The following FILIP1 variants were observed in gnomAD, a reference collection of about 807,000 sequenced individuals.
FILIP1 encodes filamin A interacting protein 1, also known as filamin-A-interacting protein 1.
A neutral mutation model predicts 102.1 loss-of-function variants in FILIP1; 61 were observed. That is an observed-to-expected ratio of 0.60 (90% CI 0.49 to 0.74). FILIP1 has a LOEUF of 0.74. Among genes scored for constraint, FILIP1 ranks in the 30% least tolerant of loss-of-function variants. FILIP1 has a pLI of 0.00. For missense variants in FILIP1, 1,314 were observed against 1,441.2 expected (o/e 0.91, Z 1.43); for synonymous variants, 491 against 526.9 (o/e 0.93, Z 0.93).
intron 1 of FILIP1, among the ~76,000 whole-genome samples, chr6:75,487,321 A>G (rs535024513): frequency 1.1e-4 from 16 of 152,156 alleles, no homozygotes; most frequent in Non-Finnish European, 2.2e-4. Context: ...TTGTCGTCAC[A>G]GTAACTACAG....
chr6:75,304,933 C>T (rs117998533), downstream of FILIP1, among the ~76,000 whole-genome samples: 815 of 152,222 alleles, frequency 5.4e-3, 4 homozygotes, highest in Non-Finnish European at 9.3e-3. Context: ...AAGTGTGAGA[C>T]TGGAGGCAGG....
chr6:75,326,875 G>GC (rs1370220508), intron 4 of FILIP1, among the ~76,000 whole-genome samples: 1 of 152,154 alleles, frequency 6.6e-6, no homozygotes. Flanking sequence ...TTGTCAAGAT[G>GC]CCCCTTGGAC....
At chr6:75,448,553 G>A (rs1371049252) in intron 1 of FILIP1, among the ~76,000 whole-genome samples, 1 of 148,092 alleles carries the variant, frequency 6.8e-6, no homozygotes, top group Non-Finnish European at 1.5e-5. Flanking sequence ...ATAATGAGCA[G>A]AGTAAATACA....
At chr6:75,347,927 C>T (rs745453171) in intron 4 of FILIP1, among the ~76,000 whole-genome samples, 2 of 152,140 alleles carry the variant, frequency 1.3e-5, no homozygotes, top group African/African-American at 2.4e-5. Flanking sequence ...ACTTAACTTA[C>T]ACTTGGAGGG....
At chr6:75,452,842 G>A (rs1290687548) in intron 1 of FILIP1, among the ~76,000 whole-genome samples, 1 of 152,132 alleles carries the variant, frequency 6.6e-6, no homozygotes, top group African/African-American at 2.4e-5. Flanking sequence ...TAGTGACAAT[G>A]TACTCCTTTT....
At chr6:75,390,605 A>T (rs1414235829) in intron 2 of FILIP1, among the ~76,000 whole-genome samples, 2 of 152,070 alleles carry the variant, frequency 1.3e-5, no homozygotes, top group Non-Finnish European at 2.9e-5. Context: ...TCTCACAAGA[A>T]CTCACTATCA....
rs1192172465 is a variant in FILIP1, at chr6:75,414,875, G to A, written c.98C>T (p.Ser33Leu). 1.2e-6 allele frequency: 2 copies of A among 1,613,728 alleles called. No individual in the cohort carries two copies. The highest frequency in any genetic ancestry group is 2.7e-5 in the African/African-American group (2 of 74,870). ...IIGNAGEKSL[S>L]EDAKKKKKSN... is the part of the protein sequence containing the mutation. ...TTTCTTCTTCTTTTTTGCATCTTCT[G>A]AGAGACTTTTTTCACCAGCATTGCC... The change falls in exon 2 of 6, where the codon TCA becomes TTA. Residue 33 changes from serine to leucine, a missense_variant. Ser to Leu is a moderately radical substitution (Grantham distance 145, BLOSUM62 -2). Around this residue, in one of 3 missense-constraint regions of FILIP1, gnomAD observed 494 missense variants for 511.2 expected, o/e 0.97. Transcript: ENST00000237172.
chr6:75,324,855 C>T (rs1285222799), intron 4 of FILIP1, among the ~76,000 whole-genome samples: 1 of 152,128 alleles, frequency 6.6e-6, no homozygotes, highest in African/African-American at 2.4e-5. Context: ...CCCTGTTCAA[C>T]AGACGGTGCT....
chr6:75,492,048 T>C (rs1779974896), intron 1 of FILIP1, among the ~76,000 whole-genome samples: 1 of 152,206 alleles, frequency 6.6e-6, no homozygotes, highest in Non-Finnish European at 1.5e-5. Context: ...ATATTTCATC[T>C]CTACTAAAGC....
intron 4 of FILIP1, among the ~76,000 whole-genome samples, chr6:75,320,330 G>A (rs1227202191): frequency 1.3e-5 from 2 of 152,212 alleles, no homozygotes; most frequent in Non-Finnish European, 2.9e-5. Flanking sequence ...GCCGAGGCAG[G>A]CAAATCGCTT....
intron 1 of FILIP1, among the ~76,000 whole-genome samples, chr6:75,466,658 G>A (rs1226516452): frequency 6.6e-6 from 1 of 152,196 alleles, no homozygotes; most frequent in African/African-American, 2.4e-5. Context: ...CTATTGGTAT[G>A]TAGAGGACCT....
intron 4 of FILIP1, chr6:75,319,209 CT>C (rs749173265): frequency 3.0e-5 from 23 of 758,528 alleles, no homozygotes; most frequent in Middle Eastern, 7.9e-4. Context: ...CTTGTTTTTC[CT>C]TCAGCTTCGC....
chr6:75,370,756 T>C (rs1350866898), intron 2 of FILIP1, among the ~76,000 whole-genome samples: 2 of 151,900 alleles, frequency 1.3e-5, no homozygotes, highest in African/African-American at 4.8e-5. Flanking sequence ...TTTGTATTTT[T>C]AGTAGAGACA....
At chr6:75,485,086 T>A (rs1016530676) in intron 1 of FILIP1, among the ~76,000 whole-genome samples, 1 of 152,182 alleles carries the variant, frequency 6.6e-6, no homozygotes, top group African/African-American at 2.4e-5. Context: ...ACAGTTCTTT[T>A]TCTCCTTTGA....
chr6:75,487,916 T>A (rs1304090446), intron 1 of FILIP1, among the ~76,000 whole-genome samples: 1 of 152,034 alleles, frequency 6.6e-6, no homozygotes, highest in Non-Finnish European at 1.5e-5. Flanking sequence ...TCCTCAATGT[T>A]TTGGTAAAGG....
intron 1 of FILIP1, among the ~76,000 whole-genome samples, chr6:75,465,916 T>C (rs1465750494): frequency 1.3e-5 from 2 of 152,170 alleles, no homozygotes; most frequent in Non-Finnish European, 2.9e-5. Context: ...CTCTCAGACC[T>C]CTTTTGCAAC....
chr6:75,401,891 T>A (rs987111714), intron 2 of FILIP1, among the ~76,000 whole-genome samples: 1 of 152,140 alleles, frequency 6.6e-6, no homozygotes, highest in Non-Finnish European at 1.5e-5. Context: ...TATCCCCAAA[T>A]AATTGGGAAA....
chr6:75,296,475 T>TTTTTTTTTATTATTATTA (rs565379089), intron 6 of FILIP1: 51 of 140,392 alleles, frequency 3.6e-4, no homozygotes, highest in African/African-American at 1.3e-3. Context: ...ACTCTATATG[T>TTTTTTTTTATTATTATTA]TTATTATTAT....
At chr6:75,419,208 C>A (rs548432936) in intron 1 of FILIP1, among the ~76,000 whole-genome samples, 3 of 152,246 alleles carry the variant, frequency 2.0e-5, no homozygotes, top group South Asian at 2.1e-4. Context: ...CAAATCTTGA[C>A]CTTGAATTTT....
Sources: gnomAD v4.1 joint callset for allele counts (sites outside exome capture counted in the v4.1 genomes callset) on GRCh38, gnomAD v4.1.1 for gene constraint, gnomAD v4.1.1 regional missense constraint, MANE v1.5 for transcripts, NCBI Gene and HGNC (gene_info 2026-07-23, HGNC 2026-07-21) for gene names.